Variants in PARPBP observed in about 807,000 individuals in gnomAD.
The protein encoded by PARPBP is PARP1 binding protein, also known as PCNA-interacting partner.
Under a neutral mutation model 50.0 loss-of-function variants are expected in PARPBP, and 52 were observed. The observed-to-expected ratio is 1.04, with a 90% CI of 0.83 to 1.31. The LOEUF is 1.31. PARPBP is among the 50% of genes most tolerant of loss of function. PARPBP has a pLI of 0.00. For missense variants in PARPBP, 697 were observed against 672.0 expected (o/e 1.04, Z -0.41); for synonymous variants, 244 against 232.1 (o/e 1.05, Z -0.47).
chr12:102,166,494 C>T (rs1888157512), intron 6 of PARPBP, among the ~76,000 whole-genome samples: 1 of 152,076 alleles, frequency 6.6e-6, no homozygotes, highest in African/African-American at 2.4e-5. Flanking sequence ...CATAAATAAA[C>T]ATAATAAAAA....
At chr12:102,188,738 G>T (rs1325606479) in intron 9 of PARPBP, among the ~76,000 whole-genome samples, 1 of 152,008 alleles carries the variant, frequency 6.6e-6, no homozygotes, top group Non-Finnish European at 1.5e-5. Flanking sequence ...AAATTTACTG[G>T]CAAGGAATCA....
intron 1 of PARPBP, among the ~76,000 whole-genome samples, chr12:102,122,257 A>G (rs1881261642): frequency 6.6e-6 from 1 of 152,234 alleles, no homozygotes; most frequent in South Asian, 2.1e-4. Flanking sequence ...GATTTTTTGA[A>G]GAGAAATACA....
intron 2 of PARPBP, among the ~76,000 whole-genome samples, chr12:102,144,156 G>A (rs777749189): frequency 8.5e-5 from 13 of 152,150 alleles, no homozygotes; most frequent in Non-Finnish European, 1.9e-4. Context: ...GTGCTCTTAA[G>A]TAGACCTATC....
intron 2 of PARPBP, among the ~76,000 whole-genome samples, chr12:102,145,701 G>C (rs1348804510): frequency 5.3e-5 from 8 of 152,084 alleles, no homozygotes; most frequent in Admixed American, 5.2e-4. Flanking sequence ...TTTCTCGTGG[G>C]ATAGATAGAA....
intron 6 of PARPBP, among the ~76,000 whole-genome samples, chr12:102,167,505 A>G (rs949349214): frequency 6.6e-6 from 1 of 152,090 alleles, no homozygotes; most frequent in Non-Finnish European, 1.5e-5. Context: ...GAGGCCCTAT[A>G]GAGCTGATTA....
intron 9 of PARPBP, among the ~76,000 whole-genome samples, chr12:102,188,785 G>T (rs12423586): frequency 0.036 from 5,433 of 152,180 alleles, 388 homozygotes; most frequent in East Asian, 0.29. Context: ...TGGAGGAAAA[G>T]ATGGTCAAAA....
At chr12:102,173,385 A>C (rs1002814197) in intron 6 of PARPBP, among the ~76,000 whole-genome samples, 1 of 152,190 alleles carries the variant, frequency 6.6e-6, no homozygotes, top group Non-Finnish European at 1.5e-5. Context: ...GAGATGTCCA[A>C]TTCAGTGTAG....
chr12:102,140,417 A>T (rs569187595), intron 2 of PARPBP, among the ~76,000 whole-genome samples: 2 of 151,588 alleles, frequency 1.3e-5, no homozygotes, highest in South Asian at 4.2e-4. Flanking sequence ...AATTTTGTTG[A>T]TCCTTTCAAA....
chr12:102,165,920 TC>T, intron 6 of PARPBP, 37 bp downstream of exon 6: 1 of 1,334,146 alleles, frequency 7.5e-7, no homozygotes. Flanking sequence ...ATGTTTTTAA[TC>T]TATCTTTAAA....
intron 9 of PARPBP, among the ~76,000 whole-genome samples, chr12:102,190,021 T>C (rs1022325788): frequency 6.6e-6 from 1 of 152,186 alleles, no homozygotes; most frequent in Non-Finnish European, 1.5e-5. Flanking sequence ...AACATATTTT[T>C]CTACCTCAAA....
intron 4 of PARPBP, among the ~76,000 whole-genome samples, chr12:102,156,628 T>C (rs1436756677): frequency 1.3e-5 from 2 of 152,182 alleles, no homozygotes; most frequent in East Asian, 3.9e-4. Flanking sequence ...TAATTATTTT[T>C]GTTTTATTTA....
intron 2 of PARPBP, among the ~76,000 whole-genome samples, chr12:102,136,076 G>A (rs1322240142): frequency 6.6e-6 from 1 of 151,998 alleles, no homozygotes. Flanking sequence ...TTAAAATAGA[G>A]CACATTGTTT....
chr12:102,156,830 C>T (rs963290158), intron 4 of PARPBP, among the ~76,000 whole-genome samples: 7 of 151,932 alleles, frequency 4.6e-5, no homozygotes, highest in African/African-American at 1.7e-4. Context: ...TTAGTAGAGA[C>T]CAGGTTTTAC....
chr12:102,190,507 C>T (rs1235933054), intron 9 of PARPBP, among the ~76,000 whole-genome samples: 1 of 152,136 alleles, frequency 6.6e-6, no homozygotes, highest in Admixed American at 6.6e-5. Context: ...CTGAAGAATA[C>T]TCTGCCAGTA....
chr12:102,167,173 C>G (rs928189839), intron 6 of PARPBP, among the ~76,000 whole-genome samples: 2 of 152,084 alleles, frequency 1.3e-5, no homozygotes, highest in African/African-American at 2.4e-5. Flanking sequence ...CTGCCTGTTT[C>G]CTGGCTCTTA....
At chr12:102,138,456 G>A (rs1884020392) in intron 2 of PARPBP, among the ~76,000 whole-genome samples, 3 of 152,136 alleles carry the variant, frequency 2.0e-5, no homozygotes, top group African/African-American at 7.2e-5. Context: ...TCTGTAGGTT[G>A]CCTGTTTACT....
rs1325319411 is a variant in PARPBP at position 102,197,121 on chromosome 12, C to G, written c.*830C>G. On this transcript the variant is annotated 3_prime_UTR_variant, in exon 11 of 11. Transcript: ENST00000327680. The stretch of plus-strand genomic sequence containing the variant: ...TTAGTGCAAGATAAGGTTTTATAGC[C>G]AGATTCAGTGGCAGACCATGATTTA... The G allele has an allele frequency of 6.2e-7, 1 of 1,612,204 alleles. No individual in the cohort carries two copies. Among genetic ancestry groups the G allele is most frequent in the Non-Finnish European group, 8.5e-7 (1 of 1,178,686 alleles).
chr12:102,197,231 A>G lies in PARPBP; in HGVS notation c.*940A>G. 1.6e-6 allele frequency: 2 copies of G among 1,271,272 alleles called. No homozygotes were observed. The highest frequency in any genetic ancestry group is 4.7e-5 in the East Asian group (2 of 42,302). 78.7% of individuals were successfully genotyped at this position (1,271,272 alleles called of 1,614,324 possible). ...CGTATTCGGAGTGGAACTATAATAC[A>G]ATTGTATAATATTCTTGTTGATCAA... On this transcript the variant is annotated 3_prime_UTR_variant, in exon 11 of 11. Coordinates refer to ENST00000327680, the MANE Select transcript of PARPBP (RefSeq NM_017915.5).
chr12:102,162,300 C>T (rs901575546), intron 4 of PARPBP, among the ~76,000 whole-genome samples: 5 of 151,782 alleles, frequency 3.3e-5, no homozygotes, highest in Admixed American at 2.0e-4. Flanking sequence ...TGATAAATTC[C>T]GGGGATATTA....
Sources: allele counts gnomAD v4.1 joint callset (sites outside exome capture counted in the v4.1 genomes callset), GRCh38; gene constraint gnomAD v4.1.1; transcripts MANE v1.5; gene names NCBI Gene and HGNC (gene_info 2026-07-23, HGNC 2026-07-21).